VSTM2A: variants seen among roughly 807,000 people sequenced by gnomAD.
VSTM2A encodes V-set and transmembrane domain containing 2A, also known as V-set and transmembrane domain-containing protein 2A.
Under a neutral mutation model 27.3 loss-of-function variants are expected in VSTM2A, and 13 were observed. The ratio of observed to expected loss-of-function variants is 0.48; its 90% CI spans 0.31 to 0.76. The LOEUF is 0.76. VSTM2A is among the 30% of genes least tolerant of loss of function. VSTM2A has a pLI of 0.05. For synonymous variants in VSTM2A, 142 were observed against 125.7 expected, an observed-to-expected ratio of 1.13 and a Z score of -0.87; for missense variants, 280 against 310.0, an observed-to-expected ratio of 0.90 and a Z score of 0.73.
chr7:54,566,671 C>T (rs1396750987), intron 4 of VSTM2A, among the ~76,000 whole-genome samples: 1 of 152,166 alleles, frequency 6.6e-6, no homozygotes, highest in Non-Finnish European at 1.5e-5. Flanking sequence ...CAATACCTGG[C>T]ATACTAATAT....
At position 54,569,752 on chromosome 7, in the gene VSTM2A, A is replaced by G. The variant is rs1450555285; in HGVS notation, c.*533A>G. On this transcript the variant is annotated 3_prime_UTR_variant, in exon 5 of 5. Transcript: ENST00000402613. Reference sequence around the variant, plus strand: ...AATCTCCGTCAATCCTAGGAGGTTTATAGAACTACATTTTGAGTGTTCTAT... The same window carrying G: ...AATCTCCGTCAATCCTAGGAGGTTTGTAGAACTACATTTTGAGTGTTCTAT... 2 of 153,736 alleles carry G rather than the reference A, an allele frequency of 1.3e-5. No homozygotes were observed. The highest frequency in any genetic ancestry group is 4.8e-5 in the African/African-American group (2 of 41,428). The allele number at this position is 153,736 out of a possible 1,614,324, so 9.5% of individuals were successfully genotyped here.
At chr7:54,554,073 G>T in intron 4 of VSTM2A, 1 of 1,551,802 alleles carries the variant, frequency 6.4e-7, no homozygotes, top group Non-Finnish European at 8.7e-7. Context: ...GGCTCCTCCA[G>T]GTAAATTGCC....
At chr7:54,564,231 T>G (rs775166358) in intron 4 of VSTM2A, among the ~76,000 whole-genome samples, 10 of 152,222 alleles carry the variant, frequency 6.6e-5, no homozygotes, top group Non-Finnish European at 1.3e-4. Context: ...TGAGCCTCAC[T>G]AATATTCACT....
At chr7:54,566,438 A>G (rs975201505) in intron 4 of VSTM2A, among the ~76,000 whole-genome samples, 11 of 152,212 alleles carry the variant, frequency 7.2e-5, no homozygotes, top group African/African-American at 2.4e-5. Flanking sequence ...ATTACACACA[A>G]TGTAGGCCTG....
intron 4 of VSTM2A, among the ~76,000 whole-genome samples, chr7:54,564,601 T>C (rs35202362): frequency 0.059 from 8,919 of 152,252 alleles, 299 homozygotes; most frequent in South Asian, 0.095. Context: ...AATACCCACA[T>C]CCTCTTCTGG....
In VSTM2A at chr7:54,563,860, C is replaced by T. The variant is rs1165138534; in HGVS notation, c.635-5271C>T. ...AGTGAAGCACATTTCTTTTAAAAAA[C>T]AGATTTCTAGAAGAAATTGGCACCG... On this transcript the variant is annotated intron_variant, in intron 4 of 4. Coordinates refer to ENST00000402613, the MANE Select transcript of VSTM2A (RefSeq NM_001301009.2). 1.3e-5 allele frequency among the ~76,000 whole-genome samples: 2 copies of T among 152,208 alleles called. 1 individual carries two copies. Among genetic ancestry groups the T allele is most frequent in the African/African-American group, 4.8e-5 (2 of 41,466 alleles).
chr7:54,556,128 C>T (rs1287095656), intron 4 of VSTM2A, among the ~76,000 whole-genome samples: 1 of 152,122 alleles, frequency 6.6e-6, no homozygotes, highest in East Asian at 1.9e-4. Context: ...AGGCTCTGTT[C>T]TGTTGCTCTT....
At chr7:54,567,551 T>C (rs982397591) in intron 4 of VSTM2A, among the ~76,000 whole-genome samples, 1 of 152,162 alleles carries the variant, frequency 6.6e-6, no homozygotes, top group Non-Finnish European at 1.5e-5. Flanking sequence ...TGACATAAAT[T>C]ATGGTGCAGT....
At position 54,569,369 on chromosome 7, in the gene VSTM2A, A is replaced by AT. The variant is rs1788823390; in HGVS notation, c.*156dup. 5 of 1,367,904 alleles carry AT rather than the reference A, an allele frequency of 3.7e-6. No homozygotes were observed. The highest frequency in any genetic ancestry group is 5.4e-5 in the Admixed American group (2 of 36,942). The allele number at this position is 1,367,904 out of a possible 1,614,324, so 84.7% of individuals were successfully genotyped here. A position where few individuals can be genotyped will look rare whatever the true frequency, so the allele number is the denominator to read the frequency against. On this transcript the variant is annotated 3_prime_UTR_variant, in exon 5 of 5. Coordinates refer to ENST00000402613, the MANE Select transcript of VSTM2A (RefSeq NM_001301009.2). ...AGAACGTTTTCTAATAGCAAGATCT[A>AT]TTTTTTCCCTTTTCTTTCGGCGACT...
chr7:54,562,359 G>T (rs1244158365), intron 4 of VSTM2A, among the ~76,000 whole-genome samples: 1 of 151,810 alleles, frequency 6.6e-6, no homozygotes, highest in Non-Finnish European at 1.5e-5. Context: ...TTCACTCTGA[G>T]TTCCTCAGTT....
intron 4 of VSTM2A, chr7:54,553,754 G>A: frequency 7.1e-7 from 1 of 1,401,590 alleles, no homozygotes; most frequent in Admixed American, 2.2e-5. Context: ...CCAGGATGGA[G>A]TGGTTTAGGT....
rs116348428 is a variant in VSTM2A, at chr7:54,568,784, C to T, written c.635-347C>T. On this transcript the variant is annotated intron_variant, in intron 4 of 4. Coordinates refer to ENST00000402613, the MANE Select transcript of VSTM2A (RefSeq NM_001301009.2). ...ATTTGCCCCTCTCAGTGTTCCCAGC[C>T]GTGGGGTGGCATTGTTTGAAAACAG... is the stretch of plus-strand genomic sequence containing the variant. 8.2e-3 allele frequency among the ~76,000 whole-genome samples: 1,245 copies of T among 152,216 alleles called. 22 individuals are homozygous for T. The highest frequency in any genetic ancestry group is 0.028 in the African/African-American group (1,181 of 41,542).
chr7:54,564,899 G>A (rs1788673536), intron 4 of VSTM2A, among the ~76,000 whole-genome samples: 2 of 152,098 alleles, frequency 1.3e-5, no homozygotes, highest in South Asian at 4.1e-4. Context: ...ACATTACAAA[G>A]AACAAAGAAG....
At chr7:54,546,845 C>A in intron 2 of VSTM2A, 102 bp from the exon 3 acceptor site, 1 of 1,502,240 alleles carries the variant, frequency 6.7e-7, no homozygotes, top group Non-Finnish European at 8.9e-7. Flanking sequence ...GTCCCCAGGT[C>A]ACCCTGACGG....
intron 2 of VSTM2A, 83 bp from the exon 3 acceptor site, chr7:54,546,864 G>C (rs1375669513): frequency 6.4e-7 from 1 of 1,552,054 alleles, no homozygotes; most frequent in Non-Finnish European, 8.7e-7. Context: ...GGCCCTGCCC[G>C]GAGCCGCGAA....
chr7:54,565,033 A>G (rs1233817982), intron 4 of VSTM2A, among the ~76,000 whole-genome samples: 1 of 134,850 alleles, frequency 7.4e-6, no homozygotes, highest in East Asian at 2.1e-4. Context: ...TATGTGAACT[A>G]TGGTATATGT....
At chr7:54,547,761 T>G (rs895360461) in intron 3 of VSTM2A, among the ~76,000 whole-genome samples, 3 of 152,210 alleles carry the variant, frequency 2.0e-5, no homozygotes, top group Non-Finnish European at 2.9e-5. Context: ...CATATTGTTA[T>G]TATTTGTTTT....
rs550862159 is a variant in VSTM2A at position 54,563,087 on chromosome 7, T to G, written c.635-6044T>G. Among the ~76,000 whole-genome samples, 8 of 152,332 alleles carry G rather than the reference T, an allele frequency of 5.3e-5. No homozygotes were observed. The South Asian group carries it at 1.7e-3, about 32-fold the overall frequency. ...CGTTCTTGGAAAGGTTTCTGTTTGT[T>G]TTTCCACCAATTTATATTGTTCTCC... is the stretch of plus-strand genomic sequence containing the variant. On this transcript the variant is annotated intron_variant, in intron 4 of 4. Transcript: ENST00000402613.
chr7:54,559,880 G>A (rs1241876429), intron 4 of VSTM2A: 3 of 151,976 alleles, frequency 2.0e-5, no homozygotes, highest in Non-Finnish European at 4.4e-5. Context: ...AAACTTTAAA[G>A]TGAAAAAATA....
Sources: gnomAD v4.1 joint callset for allele counts (sites outside exome capture counted in the v4.1 genomes callset) on GRCh38, gnomAD v4.1.1 for gene constraint, MANE v1.5 for transcripts, NCBI Gene and HGNC (gene_info 2026-07-23, HGNC 2026-07-21) for gene names.